Variants in CCDC125 observed in about 807,000 individuals in gnomAD.
CCDC125 encodes the protein coiled-coil domain containing 125, also known as coiled-coil domain-containing protein 125.
A neutral mutation model predicts 57.4 loss-of-function variants in CCDC125; 43 were observed. The ratio of observed to expected loss-of-function variants is 0.75; its 90% CI spans 0.59 to 0.97. The LOEUF (loss-of-function observed/expected upper bound fraction) is 0.97. Ranked by LOEUF, CCDC125 falls within the 50% of genes least tolerant of loss-of-function variation. The pLI is 0.00. For missense variants in CCDC125, 563 were observed against 595.7 expected (o/e 0.95, Z 0.57); for synonymous variants, 187 against 195.2 (o/e 0.96, Z 0.35).
At chr5:69,324,761 C>T (rs1760510439) in intron 1 of CCDC125, among the ~76,000 whole-genome samples, 2 of 152,144 alleles carry the variant, frequency 1.3e-5, no homozygotes, top group South Asian at 4.1e-4. Context: ...ACCTGTAATC[C>T]CAGCATTTTG....
At chr5:69,284,090 C>T (rs183393772) in intron 11 of CCDC125, among the ~76,000 whole-genome samples, 28 of 150,992 alleles carry the variant, frequency 1.9e-4, no homozygotes, top group South Asian at 2.1e-4. Context: ...TGCCCAGCCC[C>T]GACGATTATT....
At chr5:69,290,343 C>T (rs1298803457) in intron 10 of CCDC125, among the ~76,000 whole-genome samples, 2 of 151,292 alleles carry the variant, frequency 1.3e-5, no homozygotes, top group African/African-American at 2.4e-5. Flanking sequence ...TGCTCTGTCA[C>T]CCAGGCTAGA....
chr5:69,282,954 A>T lies in CCDC125; in HGVS notation c.1311T>A (p.Thr437=), dbSNP rs1401357538. ...MLARALEDKD[T]ASNENKEKNP... is the part of the protein sequence containing the mutation. ...TTTTTTCTTTATTCTCGTTTGAAGC[A>T]GTGTCTTTGTCTTCCAATGCCCGAG... The change falls in exon 12 of 12, where the codon ACT becomes ACA. Residue 437 remains threonine, a synonymous_variant. Transcript: ENST00000396496. The T allele has an allele frequency of 6.2e-7, 1 of 1,613,698 alleles. No individual in the cohort carries two copies. The highest frequency in any genetic ancestry group is 8.5e-7 in the Non-Finnish European group (1 of 1,179,942).
intron 2 of CCDC125, among the ~76,000 whole-genome samples, chr5:69,314,882 AAC>A (rs35183152): frequency 0.38 from 57,000 of 151,938 alleles, 12,126 homozygotes; most frequent in South Asian, 0.49. Context: ...AATAAAGAAA[AAC>A]ATGAATATTG....
chr5:69,317,079 G>A (rs1051548248), intron 2 of CCDC125, among the ~76,000 whole-genome samples: 38 of 152,212 alleles, frequency 2.5e-4, no homozygotes, highest in Non-Finnish European at 2.2e-4. Flanking sequence ...TGTGATCTTG[G>A]CTCACTGCAA....
At chr5:69,295,049 A>C in intron 8 of CCDC125, 149 bp from the exon 9 acceptor site, 2 of 558,350 alleles carry the variant, frequency 3.6e-6, no homozygotes, top group South Asian at 5.0e-5. Flanking sequence ...AAATAGAAGA[A>C]AGCTGAGACT....
In CCDC125 at chr5:69,281,227, G is replaced by A. The variant is rs1371376417; in HGVS notation, c.*1502C>T. On this transcript the variant is annotated 3_prime_UTR_variant, in exon 12 of 12. Coordinates refer to ENST00000396496, the MANE Select transcript of CCDC125 (RefSeq NM_176816.5). ...TTTAAAAACTTTTTTATTGAGTTGT[G>A]GTTTATGCCTGTAATCCCAGCACTT... The A allele has an allele frequency of 2.6e-5, 4 of 152,106 alleles. No individual in the cohort carries two copies. The highest frequency in any genetic ancestry group is 5.9e-5 in the Non-Finnish European group (4 of 68,044). The allele number at this position is 152,106 out of a possible 1,614,324, so 9.4% of individuals were successfully genotyped here.
intron 5 of CCDC125, among the ~76,000 whole-genome samples, chr5:69,307,471 A>G (rs1757494359): frequency 6.6e-6 from 1 of 152,242 alleles, no homozygotes; most frequent in African/African-American, 2.4e-5. Flanking sequence ...TTACAAGGTC[A>G]GGAGATCGAG....
At chr5:69,295,077 A>G (rs1210229338) in intron 8 of CCDC125, among the ~76,000 whole-genome samples, 177 bp from the exon 9 acceptor site, 1 of 152,244 alleles carries the variant, frequency 6.6e-6, no homozygotes, top group Non-Finnish European at 1.5e-5. Flanking sequence ...CAGAATACAA[A>G]TAGAAATTAA....
intron 1 of CCDC125, among the ~76,000 whole-genome samples, chr5:69,324,623 T>G (rs147949659): frequency 6.6e-6 from 1 of 152,232 alleles, no homozygotes; most frequent in African/African-American, 2.4e-5. Flanking sequence ...AGAATATATT[T>G]GTCAGTAAAG....
chr5:69,313,796 G>A, intron 3 of CCDC125, 189 bp downstream of exon 3: 1 of 802,970 alleles, frequency 1.2e-6, no homozygotes, highest in Non-Finnish European at 2.3e-6. Context: ...CAACTTCTCT[G>A]GTGTTGAAGA....
In CCDC125 at chr5:69,281,076, G is replaced by C. The variant is rs1752443167; in HGVS notation, c.*1653C>G. ...TCTGTAAGCCACTGCACCCGGCCTT[G>C]ATAGCCATTTGTTTTCATACACAGC... On this transcript the variant is annotated 3_prime_UTR_variant, in exon 12 of 12. Transcript: ENST00000396496. 6.6e-6 allele frequency: 1 copy of C among 152,258 alleles called. No homozygotes were observed. Among genetic ancestry groups the C allele is most frequent in the Non-Finnish European group, 1.5e-5 (1 of 68,086 alleles). The allele number at this position is 152,258 out of a possible 1,614,324, so 9.4% of individuals were successfully genotyped here. A position where few individuals can be genotyped will look rare whatever the true frequency, so the allele number is the denominator to read the frequency against.
intron 9 of CCDC125, among the ~76,000 whole-genome samples, chr5:69,293,304 GCTTTT>G (rs1754775494): frequency 6.6e-6 from 1 of 152,060 alleles, no homozygotes; most frequent in Non-Finnish European, 1.5e-5. Flanking sequence ...GCCCCCTCAT[GCTTTT>G]CTTAATGAAT....
At chr5:69,316,335 C>G (rs1759097422) in intron 2 of CCDC125, among the ~76,000 whole-genome samples, 1 of 152,088 alleles carries the variant, frequency 6.6e-6, no homozygotes, top group Non-Finnish European at 1.5e-5. Context: ...CCAGTGTACT[C>G]ATAAGAGTCC....
chr5:69,324,500 C>T (rs562859831), intron 1 of CCDC125, among the ~76,000 whole-genome samples: 2 of 152,118 alleles, frequency 1.3e-5, no homozygotes, highest in Admixed American at 6.6e-5. Context: ...ACCCCATGTC[C>T]GTACAAAGAT....
At chr5:69,300,202 T>C in intron 7 of CCDC125, 75 bp from the exon 8 acceptor site, 1 of 1,044,104 alleles carries the variant, frequency 9.6e-7, no homozygotes. Context: ...TACCCCAACA[T>C]GACATATTCA....
chr5:69,303,210 T>C (rs781488996), intron 7 of CCDC125, among the ~76,000 whole-genome samples: 3 of 151,724 alleles, frequency 2.0e-5, no homozygotes, highest in Non-Finnish European at 4.4e-5. Context: ...GTTGTTGTTG[T>C]TGTTTGTTTG....
At chr5:69,313,408 C>A in intron 3 of CCDC125, 1 of 1,519,734 alleles carries the variant, frequency 6.6e-7, no homozygotes, top group East Asian at 2.3e-5. Flanking sequence ...GATGGCACTG[C>A]CCCCCAGCTT....
chr5:69,296,418 G>A (rs1755330849), intron 8 of CCDC125, among the ~76,000 whole-genome samples: 1 of 152,020 alleles, frequency 6.6e-6, no homozygotes, highest in Admixed American at 6.6e-5. Flanking sequence ...TGGGTGTGGT[G>A]GCTCATGCCT....
Sources: gnomAD v4.1 joint callset for allele counts (sites outside exome capture counted in the v4.1 genomes callset) on GRCh38, gnomAD v4.1.1 for gene constraint, MANE v1.5 for transcripts, NCBI Gene and HGNC (gene_info 2026-07-23, HGNC 2026-07-21) for gene names.